RERE: variants seen among roughly 807,000 people sequenced by gnomAD.
The protein encoded by RERE is arginine-glutamic acid dipeptide repeats protein.
A neutral mutation model predicts 146.1 loss-of-function variants in RERE; 40 were observed. That is an observed-to-expected ratio of 0.27 (90% CI 0.21 to 0.36). The LOEUF (loss-of-function observed/expected upper bound fraction) is 0.36. Among genes scored for constraint, RERE ranks in the 10% least tolerant of loss-of-function variants. RERE has a pLI of 1.00. For missense variants in RERE, 1,933 were observed against 2,138.7 expected, an observed-to-expected ratio of 0.90 and a Z score of 1.90; for synonymous variants, 1,003 against 866.0, an observed-to-expected ratio of 1.16 and a Z score of -2.78.
At chr1:8,365,311 C>A (rs770679417) in intron 13 of RERE, among the ~76,000 whole-genome samples, 2 of 152,150 alleles carry the variant, frequency 1.3e-5, no homozygotes, top group Non-Finnish European at 1.5e-5. Context: ...TTTGCTACAC[C>A]CCAGTTTTTT....
chr1:8,801,270 GTTCT>G (rs898591496), intron 1 of RERE, among the ~76,000 whole-genome samples: 1 of 83,336 alleles, frequency 1.2e-5, no homozygotes, highest in African/African-American at 9.4e-5. Flanking sequence ...AAAAAAAATT[GTTCT>G]TTTTTTTTTT....
chr1:8,544,044 T>C (rs1191669648), intron 6 of RERE, among the ~76,000 whole-genome samples: 1 of 152,182 alleles, frequency 6.6e-6, no homozygotes, highest in East Asian at 1.9e-4. Context: ...GAAATGTCTC[T>C]CATGTGTTCC....
At chr1:8,393,504 A>G (rs1021768188) in intron 12 of RERE, among the ~76,000 whole-genome samples, 4 of 152,072 alleles carry the variant, frequency 2.6e-5, no homozygotes, top group African/African-American at 9.7e-5. Flanking sequence ...CCCCTTTCCA[A>G]GTCCTGTTTA....
intron 1 of RERE, among the ~76,000 whole-genome samples, chr1:8,695,614 A>AAG (rs1349243901): frequency 1.4e-5 from 2 of 141,458 alleles, no homozygotes; most frequent in African/African-American, 5.0e-5. Context: ...AAAAAAAAAA[A>AAG]GCCAGGCATG....
intron 11 of RERE, among the ~76,000 whole-genome samples, chr1:8,456,168 C>T (rs1644451064): frequency 6.6e-6 from 1 of 152,162 alleles, no homozygotes; most frequent in African/African-American, 2.4e-5. Flanking sequence ...GGGTATTTGA[C>T]TCAAGAAAGG....
At chr1:8,682,978 C>T (rs1639003798) in intron 1 of RERE, among the ~76,000 whole-genome samples, 1 of 143,688 alleles carries the variant, frequency 7.0e-6, no homozygotes, top group Admixed American at 7.1e-5. Context: ...GCCCAAAGAC[C>T]CCAATCAGAA....
intron 1 of RERE, among the ~76,000 whole-genome samples, chr1:8,744,089 C>T (rs1470732682): frequency 6.6e-6 from 1 of 152,150 alleles, no homozygotes; most frequent in African/African-American, 2.4e-5. Context: ...AATACTGATG[C>T]TGTGAAATGA....
intron 10 of RERE, among the ~76,000 whole-genome samples, chr1:8,488,182 T>C (rs1479452444): frequency 1.3e-5 from 2 of 152,104 alleles, no homozygotes; most frequent in Non-Finnish European, 2.9e-5. Context: ...TGTCAGTATT[T>C]CCCAAACTGA....
chr1:8,654,334 C>A (rs1368639809), intron 2 of RERE, among the ~76,000 whole-genome samples: 1 of 152,036 alleles, frequency 6.6e-6, no homozygotes. Context: ...CCGTGCCCAG[C>A]CCCACTGACA....
At chr1:8,438,062 C>A (rs540992504) in intron 11 of RERE, among the ~76,000 whole-genome samples, 1 of 152,190 alleles carries the variant, frequency 6.6e-6, no homozygotes, top group African/African-American at 2.4e-5. Context: ...TTCACTGTAA[C>A]GTGGAGCTTC....
At chr1:8,723,632 T>G (rs1044319222) in intron 1 of RERE, among the ~76,000 whole-genome samples, 9 of 152,200 alleles carry the variant, frequency 5.9e-5, no homozygotes, top group African/African-American at 1.9e-4. Context: ...TTCTTCAAAT[T>G]AAGCAAGTGC....
At chr1:8,788,806 G>A (rs1378269785) in intron 1 of RERE, among the ~76,000 whole-genome samples, 2 of 151,558 alleles carry the variant, frequency 1.3e-5, no homozygotes, top group African/African-American at 4.9e-5. Flanking sequence ...AACAAGACTC[G>A]TCCCTGTGCT....
intron 4 of RERE, among the ~76,000 whole-genome samples, chr1:8,589,954 G>A (rs969401257): frequency 1.1e-4 from 16 of 152,108 alleles, no homozygotes; most frequent in African/African-American, 2.9e-4. Context: ...AATGTCTATC[G>A]CAAGTGTGGT....
chr1:8,361,675 G>T lies in RERE; in HGVS notation c.2016+88C>A, dbSNP rs541261494. On this transcript the variant is annotated intron_variant, in intron 17 of 22. Coordinates refer to ENST00000400908, the MANE Select transcript of RERE (RefSeq NM_001042681.2). ...ACTCCAGCCCCACCCTAGGAGACAG[G>T]GCACGGCCACCAACTAGGGAGAACC... 4.4e-6 allele frequency: 6 copies of T among 1,358,664 alleles called. No individual in the cohort carries two copies. The South Asian group carries it at 7.3e-5, about 17-fold the overall frequency. The allele number at this position is 1,358,664 out of a possible 1,614,324, so 84.2% of individuals were successfully genotyped here. A position where few individuals can be genotyped will look rare whatever the true frequency, so the allele number is the denominator to read the frequency against.
intron 1 of RERE, among the ~76,000 whole-genome samples, chr1:8,702,561 A>G (rs568442711): frequency 6.6e-6 from 1 of 152,336 alleles, no homozygotes; most frequent in South Asian, 2.1e-4. Flanking sequence ...TCGGTCCAAG[A>G]AGAAAATTTC....
intron 1 of RERE, among the ~76,000 whole-genome samples, chr1:8,782,531 G>GAATTCTCACATGA: frequency 6.6e-6 from 1 of 152,162 alleles, no homozygotes; most frequent in South Asian, 2.1e-4. Context: ...ATGAATTCCA[G>GAATTCTCACATGA]ACTCTTACAC....
intron 3 of RERE, among the ~76,000 whole-genome samples, chr1:8,619,618 A>G (rs1646895075): frequency 6.6e-6 from 1 of 152,208 alleles, no homozygotes; most frequent in Non-Finnish European, 1.5e-5. Flanking sequence ...AACTGCTACA[A>G]GGAACTACTT....
At chr1:8,696,538 C>T (rs1162764317) in intron 1 of RERE, among the ~76,000 whole-genome samples, 2 of 152,108 alleles carry the variant, frequency 1.3e-5, no homozygotes, top group South Asian at 2.1e-4. Flanking sequence ...CGCTTGCACC[C>T]GCAAGGTGGA....
chr1:8,722,293 T>C (rs548808306), intron 1 of RERE, among the ~76,000 whole-genome samples: 3 of 152,372 alleles, frequency 2.0e-5, no homozygotes, highest in Non-Finnish European at 2.9e-5. Flanking sequence ...CCAATGTTTC[T>C]GAAACTCAAT....
Sources: gnomAD v4.1 joint callset for allele counts (sites outside exome capture counted in the v4.1 genomes callset) on GRCh38, gnomAD v4.1.1 for gene constraint, MANE v1.5 for transcripts, NCBI Gene and HGNC (gene_info 2026-07-23, HGNC 2026-07-21) for gene names.